ARHGAP28: variants seen among roughly 807,000 people sequenced by gnomAD.
ARHGAP28 encodes the protein Rho GTPase activating protein 28, also known as rho GTPase-activating protein 28.
In ARHGAP28, 56 loss-of-function variants were observed where a neutral mutation model predicts 90.7. The observed-to-expected ratio is 0.62, with a 90% CI of 0.50 to 0.77. The LOEUF is 0.77. Ranked by LOEUF, ARHGAP28 falls within the 30% of genes least tolerant of loss-of-function variation. The probability of loss-of-function intolerance (pLI) is 0.00; values close to 1 mark genes in which losing one functional copy is unlikely to be tolerated. For synonymous variants in ARHGAP28, 308 were observed against 323.3 expected, an observed-to-expected ratio of 0.95 and a Z score of 0.51; for missense variants, 869 against 900.9, an observed-to-expected ratio of 0.96 and a Z score of 0.45.
At chr18:6,841,192 T>A (rs2056817741) in intron 3 of ARHGAP28, among the ~76,000 whole-genome samples, 8 of 66,484 alleles carry the variant, frequency 1.2e-4, no homozygotes, top group African/African-American at 3.2e-4. Flanking sequence ...TCTCTCTCTC[T>A]CTCTCTCTCT....
intron 1 of ARHGAP28, among the ~76,000 whole-genome samples, chr18:6,781,576 ATG>A (rs1485434007): frequency 3.9e-5 from 6 of 151,974 alleles, no homozygotes; most frequent in Non-Finnish European, 8.8e-5. Context: ...GTGACATGGG[ATG>A]TGTCTCTGAG....
intron 1 of ARHGAP28, among the ~76,000 whole-genome samples, chr18:6,797,822 C>T (rs1236381511): frequency 6.6e-6 from 1 of 152,190 alleles, no homozygotes; most frequent in African/African-American, 2.4e-5. Flanking sequence ...CCACCACACC[C>T]GGCTAATTTT....
intron 1 of ARHGAP28, among the ~76,000 whole-genome samples, chr18:6,746,846 T>C (rs1047345843): frequency 2.0e-5 from 3 of 152,182 alleles, no homozygotes; most frequent in African/African-American, 7.2e-5. Context: ...ATTCATGTGG[T>C]AGTGTTCTGA....
At chr18:6,775,375 A>G (rs968230182) in intron 1 of ARHGAP28, among the ~76,000 whole-genome samples, 2 of 152,200 alleles carry the variant, frequency 1.3e-5, no homozygotes, top group Non-Finnish European at 2.9e-5. Flanking sequence ...TGTTTTTACT[A>G]GAGCATTTTG....
At chr18:6,752,689 A>G (rs1464546673) in intron 1 of ARHGAP28, among the ~76,000 whole-genome samples, 1 of 152,152 alleles carries the variant, frequency 6.6e-6, no homozygotes, top group Non-Finnish European at 1.5e-5. Context: ...TCAGGCTCAA[A>G]GTCAGTTCTT....
intron 1 of ARHGAP28, among the ~76,000 whole-genome samples, chr18:6,735,661 C>T (rs1319715479): frequency 1.3e-5 from 2 of 151,202 alleles, no homozygotes; most frequent in Admixed American, 6.6e-5. Flanking sequence ...CCTAAGCAAT[C>T]CTCCCATCTC....
chr18:6,791,989 G>A (rs1361794396), intron 1 of ARHGAP28, among the ~76,000 whole-genome samples: 2 of 152,032 alleles, frequency 1.3e-5, no homozygotes, highest in Non-Finnish European at 2.9e-5. Flanking sequence ...AGTAGACGAG[G>A]TTTCACCATG....
chr18:6,796,406 C>T (rs2056442221), intron 1 of ARHGAP28, among the ~76,000 whole-genome samples: 1 of 152,174 alleles, frequency 6.6e-6, no homozygotes, highest in South Asian at 2.1e-4. Flanking sequence ...CTTTCCCACA[C>T]ATCAACTTAC....
intron 1 of ARHGAP28, among the ~76,000 whole-genome samples, chr18:6,810,297 T>C (rs1179705619): frequency 1.3e-5 from 2 of 152,098 alleles, no homozygotes; most frequent in African/African-American, 4.8e-5. Context: ...CTAAAATGAA[T>C]CTTACATTAA....
chr18:6,882,343 C>T (rs2057186034), intron 11 of ARHGAP28, 44 bp downstream of exon 11: 4 of 1,553,256 alleles, frequency 2.6e-6, no homozygotes, highest in South Asian at 2.4e-5. Flanking sequence ...GATATAAGGT[C>T]AATAAAGTGA....
At chr18:6,885,378 G>A (rs1013761985) in intron 11 of ARHGAP28, among the ~76,000 whole-genome samples, 25 of 152,108 alleles carry the variant, frequency 1.6e-4, no homozygotes, top group Non-Finnish European at 2.5e-4. Context: ...ACAAGCGCGT[G>A]TGTGTGTGTG....
chr18:6,786,988 T>C (rs1160176186), intron 1 of ARHGAP28, among the ~76,000 whole-genome samples: 2 of 151,912 alleles, frequency 1.3e-5, no homozygotes, highest in Admixed American at 6.6e-5. Flanking sequence ...GGGAGGCTGA[T>C]GCCGACGGAT....
chr18:6,798,731 C>T (rs1228603760), intron 1 of ARHGAP28, among the ~76,000 whole-genome samples: 2 of 152,142 alleles, frequency 1.3e-5, no homozygotes, highest in African/African-American at 4.8e-5. Flanking sequence ...GTACAGTGCA[C>T]ACTGCTCAGT....
At chr18:6,896,817 G>T (rs1488994420) in intron 16 of ARHGAP28, 191 bp downstream of exon 16, 1 of 560,960 alleles carries the variant, frequency 1.8e-6, no homozygotes. Context: ...AACAAAAGTT[G>T]TTTTTCAAAG....
chr18:6,808,003 C>G (rs925573155), intron 1 of ARHGAP28, among the ~76,000 whole-genome samples: 1 of 152,130 alleles, frequency 6.6e-6, no homozygotes, highest in Admixed American at 6.6e-5. Flanking sequence ...TCCTGACATT[C>G]AATATCTTGA....
chr18:6,778,246 G>A (rs895019181), intron 1 of ARHGAP28, among the ~76,000 whole-genome samples: 6 of 152,172 alleles, frequency 3.9e-5, no homozygotes, highest in Non-Finnish European at 8.8e-5. Context: ...AATTAGTGCA[G>A]AGATGGATCC....
chr18:6,808,424 C>T (rs567793243), intron 1 of ARHGAP28, among the ~76,000 whole-genome samples: 11 of 151,978 alleles, frequency 7.2e-5, no homozygotes, highest in African/African-American at 2.4e-4. Context: ...GATTTTTCTT[C>T]TCATTATTTG....
At chr18:6,869,509 C>T (rs756397374) in intron 6 of ARHGAP28, among the ~76,000 whole-genome samples, 6 of 151,994 alleles carry the variant, frequency 3.9e-5, no homozygotes, top group Non-Finnish European at 8.8e-5. Flanking sequence ...GATCTGCCCA[C>T]CTCAGCCTCC....
intron 1 of ARHGAP28, among the ~76,000 whole-genome samples, chr18:6,762,444 A>T (rs1210306431): frequency 6.6e-6 from 1 of 152,184 alleles, no homozygotes; most frequent in East Asian, 1.9e-4. Flanking sequence ...AAAAGGATGT[A>T]ATTTCATTCA....
Sources: allele counts gnomAD v4.1 joint callset (sites outside exome capture counted in the v4.1 genomes callset), GRCh38; gene constraint gnomAD v4.1.1; transcripts MANE v1.5; gene names NCBI Gene and HGNC (gene_info 2026-07-23, HGNC 2026-07-21).